The following CUX1 variants were observed in gnomAD, a reference collection of about 807,000 sequenced individuals.
CUX1 encodes cut like homeobox 1.
In CUX1, 31 loss-of-function variants were observed where a neutral mutation model predicts 158.8. The observed-to-expected ratio is 0.20, with a 90% CI of 0.15 to 0.26. The LOEUF (loss-of-function observed/expected upper bound fraction) is 0.26. Among genes scored for constraint, CUX1 ranks in the 10% least tolerant of loss-of-function variants. CUX1 has a pLI of 1.00. For missense variants in CUX1, 1,589 were observed against 2,014.6 expected, an observed-to-expected ratio of 0.79 and a Z score of 4.04; for synonymous variants, 879 against 862.1, an observed-to-expected ratio of 1.02 and a Z score of -0.34.
chr7:102,027,187 C>T (rs1383274879), intron 2 of CUX1, among the ~76,000 whole-genome samples: 1 of 152,050 alleles, frequency 6.6e-6, no homozygotes, highest in East Asian at 1.9e-4. Flanking sequence ...GAGTTCCAGA[C>T]CACCTTGGCC....
chr7:102,204,559 A>G lies in CUX1; in HGVS notation c.3073+3A>G. ...CCAGGGCCAGCAGCAAGGGCCAGGT[A>G]ATGGGGGTCCTGCCACAGGAGAGGG... On this transcript the variant is annotated splice_donor_region_variant and intron_variant, in intron 19 of 23. Transcript: ENST00000292535. 1.2e-6 allele frequency: 2 copies of G among 1,612,340 alleles called. No homozygotes were observed. Among genetic ancestry groups the G allele is most frequent in the Non-Finnish European group, 1.7e-6 (2 of 1,179,250 alleles).
chr7:101,831,264 A>G (rs1346845693), intron 1 of CUX1, among the ~76,000 whole-genome samples: 2 of 151,480 alleles, frequency 1.3e-5, no homozygotes, highest in East Asian at 1.9e-4. Flanking sequence ...ACCAGACAGT[A>G]GGGAATCCTT....
At chr7:102,049,254 G>A (rs757012783) in intron 3 of CUX1, among the ~76,000 whole-genome samples, 1 of 152,234 alleles carries the variant, frequency 6.6e-6, no homozygotes, top group Non-Finnish European at 1.5e-5. Context: ...GGCAGATGAA[G>A]GAGGCTGAGA....
chr7:102,110,977 G>A (rs1366516832), intron 6 of CUX1, among the ~76,000 whole-genome samples: 1 of 152,098 alleles, frequency 6.6e-6, no homozygotes, highest in Non-Finnish European at 1.5e-5. Flanking sequence ...TTTTCTAGAG[G>A]TGATGAGAAT....
At chr7:101,851,314 A>C (rs1250663478) in intron 1 of CUX1, among the ~76,000 whole-genome samples, 2 of 152,008 alleles carry the variant, frequency 1.3e-5, no homozygotes, top group South Asian at 4.1e-4. Flanking sequence ...GTAGGGTTTC[A>C]TCTTTCTTGG....
chr7:102,125,162 C>T (rs529099877), intron 8 of CUX1, among the ~76,000 whole-genome samples: 1 of 152,272 alleles, frequency 6.6e-6, no homozygotes, highest in African/African-American at 2.4e-5. Context: ...CTTAGCACGT[C>T]GTGGCTCTCC....
At chr7:101,902,046 C>T (rs913342013) in intron 1 of CUX1, among the ~76,000 whole-genome samples, 3 of 152,168 alleles carry the variant, frequency 2.0e-5, no homozygotes, top group African/African-American at 7.2e-5. Flanking sequence ...TATTTTGAGA[C>T]TCAGCCACAA....
At position 102,255,568 on chromosome 7, in the gene CUX1, T is replaced by G; in HGVS notation, c.*6526T>G. ...CATTAGTCTACGTTACTGTAATTTCTGTAGTGTTTACGCTTTAATTTCTAC... is the reference window on the plus strand; with the variant it reads ...CATTAGTCTACGTTACTGTAATTTCGGTAGTGTTTACGCTTTAATTTCTAC... On this transcript the variant is annotated 3_prime_UTR_variant, in exon 24 of 24. Coordinates refer to ENST00000292535, the MANE Select transcript of CUX1 (RefSeq NM_181552.4). The G allele has an allele frequency of 1.0e-6, 1 of 985,460 alleles. No homozygotes were observed. Among genetic ancestry groups the G allele is most frequent in the Non-Finnish European group, 1.2e-6 (1 of 829,922 alleles). The allele number at this position is 985,460 out of a possible 1,614,324, so 61.0% of individuals were successfully genotyped here.
chr7:102,046,512 C>A (rs555800312), intron 3 of CUX1, among the ~76,000 whole-genome samples: 2 of 151,214 alleles, frequency 1.3e-5, no homozygotes, highest in African/African-American at 4.9e-5. Context: ...GGATTACAGG[C>A]GTAAGCCACT....
intron 2 of CUX1, among the ~76,000 whole-genome samples, chr7:101,994,351 C>T (rs1362626297): frequency 1.3e-5 from 2 of 152,176 alleles, no homozygotes; most frequent in East Asian, 1.9e-4. Context: ...GCCTCTAATC[C>T]CCAGCAGTTT....
chr7:101,994,613 C>CA (rs1815584404), intron 2 of CUX1, among the ~76,000 whole-genome samples: 1 of 152,022 alleles, frequency 6.6e-6, no homozygotes, highest in Admixed American at 6.6e-5. Context: ...ACAACAGCAA[C>CA]AAAAAAGGAA....
At chr7:102,082,197 C>T (rs1296619109) in intron 4 of CUX1, among the ~76,000 whole-genome samples, 1 of 146,756 alleles carries the variant, frequency 6.8e-6, no homozygotes, top group Non-Finnish European at 1.5e-5. Flanking sequence ...CAGTGGTCTC[C>T]AAACTACTTT....
chr7:102,069,328 C>G (rs1035298663), intron 3 of CUX1, among the ~76,000 whole-genome samples: 1 of 152,132 alleles, frequency 6.6e-6, no homozygotes, highest in Non-Finnish European at 1.5e-5. Flanking sequence ...CATATGTATC[C>G]GCGTTCCCAC....
chr7:102,036,561 G>A lies in CUX1; in HGVS notation c.189+8416G>A, dbSNP rs533822714. 3.1e-3 allele frequency among the ~76,000 whole-genome samples: 476 copies of A among 152,040 alleles called. 3 individuals are homozygous for A. The highest frequency in any genetic ancestry group is 5.5e-3 in the Non-Finnish European group (376 of 67,956). ...TCCATACACCAGCCTGACCAATATG[G>A]TGAAACTTCGTCTCTACTAAAAATA... On this transcript the variant is annotated intron_variant, in intron 3 of 23. Transcript: ENST00000292535.
At chr7:102,171,964 A>G (rs1791764111) in intron 10 of CUX1, among the ~76,000 whole-genome samples, 1 of 152,248 alleles carries the variant, frequency 6.6e-6, no homozygotes, top group Non-Finnish European at 1.5e-5. Context: ...GGACACCCGA[A>G]GAACCATAAG....
At chr7:102,278,905 TG>T (rs1791833085) in intron 18 of CUX1, among the ~76,000 whole-genome samples, 1 of 151,614 alleles carries the variant, frequency 6.6e-6, no homozygotes. Context: ...CCAGGCATCG[TG>T]GCACGTGCCT....
At chr7:101,830,706 C>T (rs1793886497) in intron 1 of CUX1, among the ~76,000 whole-genome samples, 1 of 152,090 alleles carries the variant, frequency 6.6e-6, no homozygotes, top group South Asian at 2.1e-4. Flanking sequence ...ATCCTCCTGC[C>T]TCAGCCTCCC....
At chr7:102,178,876 T>C (rs1792702307) in intron 11 of CUX1, among the ~76,000 whole-genome samples, 1 of 152,186 alleles carries the variant, frequency 6.6e-6, no homozygotes, top group Non-Finnish European at 1.5e-5. Context: ...TTCCCTCTTT[T>C]TTTTTGGAGT....
intron 1 of CUX1, among the ~76,000 whole-genome samples, chr7:101,881,440 G>T (rs564641420): frequency 3.9e-5 from 6 of 152,202 alleles, no homozygotes; most frequent in African/African-American, 1.4e-4. Context: ...TGGCAGGCCC[G>T]AGTTGTTTGC....
Sources: allele counts gnomAD v4.1 joint callset (sites outside exome capture counted in the v4.1 genomes callset), GRCh38; gene constraint gnomAD v4.1.1; transcripts MANE v1.5; gene names NCBI Gene and HGNC (gene_info 2026-07-23, HGNC 2026-07-21).